The following LIPG variants were observed in gnomAD, a reference collection of about 807,000 sequenced individuals.
The protein encoded by LIPG is endothelial lipase.
In LIPG, 34 loss-of-function variants were observed where a neutral mutation model predicts 51.8. The observed-to-expected ratio is 0.66, with a 90% CI of 0.50 to 0.87. The LOEUF is 0.87. Ranked by LOEUF, LIPG falls within the 40% of genes least tolerant of loss-of-function variation. The probability of loss-of-function intolerance (pLI) is 0.00; values close to 1 mark genes in which losing one functional copy is unlikely to be tolerated. For missense variants in LIPG, 580 were observed against 652.7 expected, an observed-to-expected ratio of 0.89 and a Z score of 1.21; for synonymous variants, 246 against 246.1, an observed-to-expected ratio of 1.00 and a Z score of 0.00.
chr18:49,579,470 G>A (rs1364325072), intron 5 of LIPG, among the ~76,000 whole-genome samples: 1 of 151,930 alleles, frequency 6.6e-6, no homozygotes, highest in Non-Finnish European at 1.5e-5. Context: ...ATTCTCAGCA[G>A]ATTTGGGCTG....
At chr18:49,574,632 T>C (rs572543449) in intron 4 of LIPG, among the ~76,000 whole-genome samples, 2 of 152,300 alleles carry the variant, frequency 1.3e-5, no homozygotes, top group Admixed American at 1.3e-4. Context: ...TGTAGCTGTA[T>C]GGTGGAATTT....
In LIPG at chr18:49,567,554, A is replaced by G; in HGVS notation, c.392A>G (p.Tyr131Cys). The G allele has an allele frequency of 6.2e-7, 1 of 1,614,162 alleles. No homozygotes were observed. The highest frequency in any genetic ancestry group is 8.5e-7 in the Non-Finnish European group (1 of 1,180,034). Reference protein sequence around the residue: ...VDWLPLAHQLYTDAVNNTRVV... With the variant: ...VDWLPLAHQLCTDAVNNTRVV... The stretch of plus-strand genomic sequence containing the variant: ...TGGCTCCCCCTGGCCCACCAGCTTT[A>G]CACGGATGCGGTCAATAATACCAGG... The change falls in exon 3 of 10, where the codon TAC (tyrosine) becomes TGC (cysteine). Residue 131 changes from tyrosine (Y) to cysteine (C), a missense_variant. Coordinates refer to ENST00000261292, the MANE Select transcript of LIPG (RefSeq NM_006033.4).
chr18:49,562,853 T>C (rs552903105), intron 1 of LIPG, among the ~76,000 whole-genome samples: 4 of 152,336 alleles, frequency 2.6e-5, no homozygotes, highest in Admixed American at 1.3e-4. Flanking sequence ...GCAGGGTAGC[T>C]GGCTTTGGTT....
chr18:49,579,016 G>C (rs1007737311), intron 5 of LIPG, among the ~76,000 whole-genome samples: 3 of 26 alleles, frequency 0.12, 1 homozygote, highest in Admixed American at 0.5. Context: ...GAGGGAGAGG[G>C]AGAGGGAGAG....
intron 8 of LIPG, among the ~76,000 whole-genome samples, chr18:49,584,372 A>G (rs1600566494): frequency 6.6e-6 from 1 of 152,204 alleles, no homozygotes; most frequent in Non-Finnish European, 1.5e-5. Context: ...CCCCAAGCCT[A>G]GCATAAAAGA....
At chr18:49,575,789 G>A (rs922679488) in intron 5 of LIPG, among the ~76,000 whole-genome samples, 199 bp downstream of exon 5, 1 of 151,056 alleles carries the variant, frequency 6.6e-6, no homozygotes, top group Non-Finnish European at 1.5e-5. Context: ...GCTTTCTCAC[G>A]CTTTAAGGTC....
chr18:49,583,715 C>A lies in LIPG; in HGVS notation c.1317C>A (p.Asn439Lys). ...EFRSYLSQPR[N>K]PGRELNIRRI... Reference sequence around the variant, plus strand: ...GCAGCTACCTGTCTCAACCCCGCAACCCCGGACGGGAGCTGAATATCAGGC... The same window carrying A: ...GCAGCTACCTGTCTCAACCCCGCAAACCCGGACGGGAGCTGAATATCAGGC... Residue 439 changes from asparagine (N) to lysine (K), a missense_variant, in exon 8 of 10, where the codon AAC becomes AAA. Asn to Lys is a moderately conservative substitution (Grantham distance 94). Coordinates refer to ENST00000261292, the MANE Select transcript of LIPG (RefSeq NM_006033.4). 6.2e-7 allele frequency: 1 copy of A among 1,614,174 alleles called. No individual in the cohort carries two copies.
chr18:49,575,982 G>T (rs773526438), intron 5 of LIPG, among the ~76,000 whole-genome samples: 3 of 151,892 alleles, frequency 2.0e-5, no homozygotes, highest in Non-Finnish European at 4.4e-5. Context: ...GGGACTACAG[G>T]CACGTGCCAC....
intron 4 of LIPG, among the ~76,000 whole-genome samples, chr18:49,573,326 C>G (rs556776093): frequency 2.0e-5 from 3 of 152,324 alleles, no homozygotes; most frequent in African/African-American, 4.8e-5. Flanking sequence ...GTTCTGGGAG[C>G]ACACTGCTTT....
intron 4 of LIPG, among the ~76,000 whole-genome samples, chr18:49,569,981 G>A (rs2084646597): frequency 6.6e-6 from 1 of 152,230 alleles, no homozygotes. Context: ...AGCGGAAGCT[G>A]GATAGAGCCC....
intron 9 of LIPG, chr18:49,589,688 A>G (rs1348370680): frequency 6.6e-6 from 1 of 152,480 alleles, no homozygotes; most frequent in African/African-American, 2.4e-5. Flanking sequence ...TCCTGAGCTC[A>G]AGTGATCTGC....
Position 49,571,193 on chromosome 18 carries a change from A to T in LIPG, c.571+1645A>T, listed in dbSNP as rs113402832. On this transcript the variant is annotated intron_variant, in intron 4 of 9. Coordinates refer to ENST00000261292, the MANE Select transcript of LIPG (RefSeq NM_006033.4). The stretch of plus-strand genomic sequence containing the variant: ...GTGCAAAGCAGTTTGACTGGAAGCC[A>T]CTCGGGTTCCATTGTCTGAGCGCCT... Among the ~76,000 whole-genome samples the T allele has an allele frequency of 6.8e-3, 1,040 of 152,220 alleles. 10 individuals carry two copies. Among genetic ancestry groups the T allele is most frequent in the African/African-American group, 0.024 (994 of 41,530 alleles).
intron 5 of LIPG, among the ~76,000 whole-genome samples, chr18:49,578,533 T>C (rs2084758261): frequency 7.2e-6 from 1 of 139,756 alleles, no homozygotes; most frequent in Admixed American, 7.0e-5. Context: ...CTCCTCACTT[T>C]CCAGACTGGG....
intron 3 of LIPG, 127 bp from the exon 4 acceptor site, chr18:49,569,310 T>C (rs993743458): frequency 1.3e-6 from 1 of 798,214 alleles, no homozygotes; most frequent in Non-Finnish European, 2.2e-6. Flanking sequence ...AGTGGGGCCC[T>C]GGGGAGTCTC....
Position 49,590,943 on chromosome 18 carries a change from G to A in LIPG, c.*421G>A. ...AGCCTGCTTTGAGCCTCAGTGAGAAGTCCTTCCGACAGGAGCTGACTCATG... is the reference window on the plus strand; with the variant it reads ...AGCCTGCTTTGAGCCTCAGTGAGAAATCCTTCCGACAGGAGCTGACTCATG... On this transcript the variant is annotated 3_prime_UTR_variant, in exon 10 of 10. Transcript: ENST00000261292. 1 of 299,746 alleles carries A rather than the reference G, an allele frequency of 3.3e-6. No individual in the cohort carries two copies. The highest frequency in any genetic ancestry group is 6.5e-6 in the Non-Finnish European group (1 of 152,948). 18.6% of individuals were successfully genotyped at this position (299,746 alleles called of 1,614,324 possible). A position where few individuals can be genotyped will look rare whatever the true frequency, so the allele number is the denominator to read the frequency against.
At chr18:49,561,714 C>A (rs992756688), upstream of LIPG, 46 of 1,244,798 alleles carry the variant, frequency 3.7e-5, no homozygotes, top group Admixed American at 3.8e-5. Context: ...GATCGCCTCC[C>A]CAGCGGACGC....
chr18:49,581,731 G>C lies in LIPG; in HGVS notation c.1036+74G>C, dbSNP rs755610338. 11 of 1,571,092 alleles carry C rather than the reference G, an allele frequency of 7.0e-6. No individual in the cohort carries two copies. In the South Asian group the frequency reaches 1.2e-4, roughly 17 times the overall value. Reference sequence around the variant, plus strand: ...CTTCTTAATACCATGCTGCAGAGCAGGGCACATCCTAGCCCAGGAGAAGTG... The same window carrying C: ...CTTCTTAATACCATGCTGCAGAGCACGGCACATCCTAGCCCAGGAGAAGTG... On this transcript the variant is annotated intron_variant, in intron 6 of 9. Coordinates refer to ENST00000261292, the MANE Select transcript of LIPG (RefSeq NM_006033.4).
At chr18:49,577,744 G>C (rs2084739159) in intron 5 of LIPG, among the ~76,000 whole-genome samples, 1 of 83,864 alleles carries the variant, frequency 1.2e-5, no homozygotes, top group African/African-American at 6.5e-5. Context: ...CGGGCGGGGG[G>C]GCTGACCCCC....
At position 49,590,809 on chromosome 18, in the gene LIPG, CCT is replaced by C; in HGVS notation, c.*291_*292del. ...TGTGTAAGCAGCTGGGTGCCTGGGG[CCT>C]CTCGTGCACACTGGATTGGTTTCTC... On this transcript the variant is annotated 3_prime_UTR_variant, in exon 10 of 10. Transcript: ENST00000261292. 4 of 535,042 alleles carry C rather than the reference CCT, an allele frequency of 7.5e-6. No homozygotes were observed. The South Asian group carries it at 8.1e-5, about 11-fold the overall frequency. 33.1% of individuals were successfully genotyped at this position (535,042 alleles called of 1,614,324 possible). A position where few individuals can be genotyped will look rare whatever the true frequency, so the allele number is the denominator to read the frequency against.
Sources: gnomAD v4.1 joint callset for allele counts (sites outside exome capture counted in the v4.1 genomes callset) on GRCh38, gnomAD v4.1.1 for gene constraint, MANE v1.5 for transcripts, NCBI Gene and HGNC (gene_info 2026-07-23, HGNC 2026-07-21) for gene names.